Variants in CADM2 observed in about 807,000 individuals in gnomAD.
CADM2 encodes the protein immunoglobulin superfamily member 4D.
CADM2 carries 12 observed loss-of-function variants against 49.8 expected under a neutral mutation model. That is an observed-to-expected ratio of 0.24 (90% CI 0.15 to 0.39). The LOEUF is 0.39. Among genes scored for constraint, CADM2 ranks in the 10% least tolerant of loss-of-function variants. The probability of loss-of-function intolerance (pLI) is 1.00; values close to 1 mark genes in which losing one functional copy is unlikely to be tolerated. For synonymous variants in CADM2, 214 were observed against 175.4 expected (o/e 1.22, Z -1.74); for missense variants, 378 against 492.3 (o/e 0.77, Z 2.20).
chr3:85,037,293 C>T (rs896139407), intron 1 of CADM2, among the ~76,000 whole-genome samples: 1 of 152,174 alleles, frequency 6.6e-6, no homozygotes, highest in Non-Finnish European at 1.5e-5. Context: ...TCTCGTATTT[C>T]CCTGCTAGTG....
At chr3:85,509,808 A>G (rs1187832342) in intron 1 of CADM2, among the ~76,000 whole-genome samples, 2 of 152,090 alleles carry the variant, frequency 1.3e-5, no homozygotes, top group Non-Finnish European at 2.9e-5. Context: ...CACAGTTTAG[A>G]GAGTCAGGCA....
At chr3:85,011,926 C>A (rs1238317898) in intron 1 of CADM2, among the ~76,000 whole-genome samples, 1 of 151,928 alleles carries the variant, frequency 6.6e-6, no homozygotes, top group Non-Finnish European at 1.5e-5. Context: ...ATGACATGTG[C>A]CTGCTGTTTT....
intron 1 of CADM2, among the ~76,000 whole-genome samples, chr3:85,488,498 A>G (rs1332270691): frequency 6.6e-6 from 1 of 151,928 alleles, no homozygotes; most frequent in African/African-American, 2.4e-5. Context: ...GAGATGATTT[A>G]GGTAATTTTA....
At chr3:85,585,000 G>A (rs1487253091) in intron 1 of CADM2, among the ~76,000 whole-genome samples, 1 of 152,026 alleles carries the variant, frequency 6.6e-6, no homozygotes, top group Non-Finnish European at 1.5e-5. Context: ...CATGGTTTCA[G>A]TTAACTGCCT....
chr3:85,716,513 A>T (rs1188008216), intron 1 of CADM2, among the ~76,000 whole-genome samples: 1 of 152,102 alleles, frequency 6.6e-6, no homozygotes, highest in Non-Finnish European at 1.5e-5. Flanking sequence ...ATTTACTTAG[A>T]TCCCATTTGT....
At chr3:85,813,179 A>C (rs951333493) in intron 3 of CADM2, among the ~76,000 whole-genome samples, 1 of 152,114 alleles carries the variant, frequency 6.6e-6, no homozygotes, top group Admixed American at 6.6e-5. Context: ...GTGTAAAAGC[A>C]TTCCTATTTC....
At chr3:85,170,106 C>T (rs1264106181) in intron 1 of CADM2, among the ~76,000 whole-genome samples, 1 of 152,106 alleles carries the variant, frequency 6.6e-6, no homozygotes, top group Non-Finnish European at 1.5e-5. Flanking sequence ...CACATCAGCT[C>T]CTTTAAAATT....
At chr3:85,930,026 A>C (rs1720393594) in intron 6 of CADM2, among the ~76,000 whole-genome samples, 1 of 152,056 alleles carries the variant, frequency 6.6e-6, no homozygotes, top group African/African-American at 2.4e-5. Flanking sequence ...GGTTAATAAA[A>C]AGGCATTTAG....
At chr3:85,277,662 A>G (rs923722383) in intron 1 of CADM2, among the ~76,000 whole-genome samples, 1 of 151,358 alleles carries the variant, frequency 6.6e-6, no homozygotes, top group African/African-American at 2.4e-5. Context: ...AAATCAGCCA[A>G]TCTACTGTGC....
At chr3:85,645,272 G>A (rs907838361) in intron 1 of CADM2, among the ~76,000 whole-genome samples, 13 of 151,826 alleles carry the variant, frequency 8.6e-5, no homozygotes, top group Non-Finnish European at 1.0e-4. Flanking sequence ...ACACAAATCC[G>A]TTTCAGAAAT....
chr3:85,901,139 C>A (rs189549627), intron 5 of CADM2, among the ~76,000 whole-genome samples: 15 of 152,222 alleles, frequency 9.9e-5, no homozygotes, highest in African/African-American at 3.6e-4. Flanking sequence ...GGTTGCAGTG[C>A]ACCAAGATGG....
At chr3:85,307,263 TGGTC>T in intron 1 of CADM2, among the ~76,000 whole-genome samples, 1 of 151,726 alleles carries the variant, frequency 6.6e-6, no homozygotes, top group South Asian at 2.1e-4. Flanking sequence ...GTGTTATGCT[TGGTC>T]ATATTCTTAA....
chr3:85,150,770 A>T (rs9830622), intron 1 of CADM2, among the ~76,000 whole-genome samples: 1 of 151,510 alleles, frequency 6.6e-6, no homozygotes, highest in Admixed American at 6.6e-5. Context: ...TTAGCCAGGT[A>T]TGGTGGCAGG....
At chr3:85,210,314 G>C (rs1290647346) in intron 1 of CADM2, among the ~76,000 whole-genome samples, 2 of 152,100 alleles carry the variant, frequency 1.3e-5, no homozygotes, top group Non-Finnish European at 2.9e-5. Context: ...ATGTCTCCCT[G>C]GGGTAAATGC....
intron 1 of CADM2, among the ~76,000 whole-genome samples, chr3:84,988,918 T>C (rs2032738786): frequency 6.6e-6 from 1 of 152,174 alleles, no homozygotes; most frequent in South Asian, 2.1e-4. Flanking sequence ...TTTAAAAAAT[T>C]ATTAATTTAG....
intron 3 of CADM2, among the ~76,000 whole-genome samples, chr3:85,859,986 A>C (rs954222331): frequency 6.6e-6 from 1 of 152,124 alleles, no homozygotes; most frequent in Non-Finnish European, 1.5e-5. Flanking sequence ...CTCATGTTAA[A>C]TTTTGAAAAC....
intron 1 of CADM2, among the ~76,000 whole-genome samples, chr3:85,590,967 T>C (rs2063090022): frequency 6.6e-6 from 1 of 151,640 alleles, no homozygotes; most frequent in African/African-American, 2.4e-5. Context: ...GTTAATTGGT[T>C]GATTGGTATT....
intron 8 of CADM2, among the ~76,000 whole-genome samples, chr3:86,006,259 G>A (rs1164581546): frequency 6.6e-6 from 1 of 152,122 alleles, no homozygotes; most frequent in East Asian, 1.9e-4. Context: ...CATTTTCAAG[G>A]AATTAATATG....
At chr3:85,078,815 T>C (rs2037050655) in intron 1 of CADM2, among the ~76,000 whole-genome samples, 1 of 151,864 alleles carries the variant, frequency 6.6e-6, no homozygotes, top group Non-Finnish European at 1.5e-5. Flanking sequence ...TGTTTTTCTT[T>C]AATGTCACAA....
Sources: allele counts gnomAD v4.1 joint callset (sites outside exome capture counted in the v4.1 genomes callset), GRCh38; gene constraint gnomAD v4.1.1; transcripts MANE v1.5; gene names NCBI Gene and HGNC (gene_info 2026-07-23, HGNC 2026-07-21).